The following STK32B variants were observed in gnomAD, a reference collection of about 807,000 sequenced individuals.
STK32B encodes serine/threonine-protein kinase 32B.
Under a neutral mutation model 52.6 loss-of-function variants are expected in STK32B, and 43 were observed. That is an observed-to-expected ratio of 0.82 (90% confidence interval 0.64 to 1.05). The LOEUF is 1.05. STK32B is among the 50% of genes least tolerant of loss of function. STK32B has a pLI of 0.00. For synonymous variants in STK32B, 238 were observed against 204.3 expected, an observed-to-expected ratio of 1.17 and a Z score of -1.41; for missense variants, 621 against 534.6, an observed-to-expected ratio of 1.16 and a Z score of -1.59.
chr4:5,348,204 C>A (rs1001664654), intron 4 of STK32B, among the ~76,000 whole-genome samples: 2 of 152,288 alleles, frequency 1.3e-5, no homozygotes, highest in Middle Eastern at 3.4e-3. Context: ...TTCCTACAGT[C>A]CTAGCCATGG....
At chr4:5,370,294 G>C (rs979140584) in intron 4 of STK32B, among the ~76,000 whole-genome samples, 2 of 152,188 alleles carry the variant, frequency 1.3e-5, no homozygotes, top group African/African-American at 4.8e-5. Context: ...ATCATTGGCT[G>C]ACTTGGTACC....
intron 6 of STK32B, among the ~76,000 whole-genome samples, chr4:5,428,008 C>A (rs1281129951): frequency 6.6e-6 from 1 of 151,754 alleles, no homozygotes; most frequent in Non-Finnish European, 1.5e-5. Context: ...TGAGACTTGT[C>A]TTATTTTCCT....
At chr4:5,140,307 G>T in intron 2 of STK32B, 1 of 1,310,850 alleles carries the variant, frequency 7.6e-7, no homozygotes, top group African/African-American at 1.5e-5. Context: ...TGTTGTTTTG[G>T]TAAGTTCATA....
At chr4:5,292,306 A>G (rs1222368505) in intron 3 of STK32B, among the ~76,000 whole-genome samples, 1 of 152,038 alleles carries the variant, frequency 6.6e-6, no homozygotes, top group Non-Finnish European at 1.5e-5. Context: ...GCCAAAATCT[A>G]TTATTTTTTG....
chr4:5,360,786 A>G (rs1372180760), intron 4 of STK32B, among the ~76,000 whole-genome samples: 3 of 152,210 alleles, frequency 2.0e-5, no homozygotes, highest in Non-Finnish European at 4.4e-5. Context: ...AGCCTGGGCA[A>G]CAAGAGCAAA....
intron 8 of STK32B, among the ~76,000 whole-genome samples, chr4:5,457,413 C>G (rs1716649063): frequency 1.3e-5 from 2 of 150,784 alleles, no homozygotes; most frequent in Non-Finnish European, 3.0e-5. Flanking sequence ...GACGGGGTTT[C>G]ACCATGTTAG....
the STK32B span, among the ~76,000 whole-genome samples, chr4:5,039,745 C>T: frequency 2.0e-5 from 3 of 152,208 alleles, no homozygotes; most frequent in East Asian, 1.9e-4. Context: ...ACTGCAAACA[C>T]GTGAGGAATG....
intron 2 of STK32B, among the ~76,000 whole-genome samples, chr4:5,158,302 C>T (rs919922753): frequency 6.6e-6 from 1 of 152,106 alleles, no homozygotes; most frequent in Non-Finnish European, 1.5e-5. Context: ...AGTGGCACAG[C>T]GCGGGTCCTG....
At chr4:5,159,588 AAT>A (rs1471717766) in intron 2 of STK32B, among the ~76,000 whole-genome samples, 2 of 105,860 alleles carry the variant, frequency 1.9e-5, no homozygotes, top group East Asian at 2.4e-4. Flanking sequence ...TATATATATG[AAT>A]ATATATGAAT....
chr4:5,359,103 G>A (rs577485929), intron 4 of STK32B, among the ~76,000 whole-genome samples: 32 of 152,310 alleles, frequency 2.1e-4, no homozygotes, highest in Admixed American at 2.0e-3. Context: ...TATTAAATGT[G>A]TGCTTTATCT....
Position 5,051,619 on chromosome 4 carries a change from C to A in STK32B, c.-245C>A. On this transcript the variant is annotated 5_prime_UTR_variant, in exon 1 of 12. Transcript: ENST00000282908. ...CTGGAGTAAGGAGCTGCGAGCGCAG[C>A]CCGAGGCGGGGCACGGCGGAAGGCG... 2.0e-6 allele frequency: 1 copy of A among 509,976 alleles called. No homozygotes were observed. Among genetic ancestry groups the A allele is most frequent in the African/African-American group, 2.1e-5 (1 of 48,710 alleles). The allele number at this position is 509,976 out of a possible 1,614,324, so 31.6% of individuals were successfully genotyped here.
At chr4:5,143,127 CT>C in intron 2 of STK32B, among the ~76,000 whole-genome samples, 1 of 151,720 alleles carries the variant, frequency 6.6e-6, no homozygotes, top group African/African-American at 2.4e-5. Context: ...GTCTGTCTGT[CT>C]GTCTATCTGT....
At chr4:5,443,284 C>G (rs938993756) in intron 6 of STK32B, among the ~76,000 whole-genome samples, 82 of 149,362 alleles carry the variant, frequency 5.5e-4, no homozygotes, top group African/African-American at 1.9e-3. Flanking sequence ...TCCCATATTT[C>G]TTGGAGGCTT....
At chr4:5,116,762 C>G (rs1714743572) in intron 1 of STK32B, among the ~76,000 whole-genome samples, 1 of 152,210 alleles carries the variant, frequency 6.6e-6, no homozygotes, top group Admixed American at 6.5e-5. Context: ...ACAGTATTGA[C>G]TCTTCCAATC....
intron 6 of STK32B, among the ~76,000 whole-genome samples, chr4:5,446,237 A>C (rs1032439755): frequency 2.6e-5 from 4 of 152,206 alleles, no homozygotes; most frequent in Non-Finnish European, 4.4e-5. Context: ...ACCACATGGC[A>C]TAGTGAAAAA....
the STK32B span, among the ~76,000 whole-genome samples, chr4:5,033,274 G>A: frequency 1.2e-4 from 19 of 152,230 alleles, no homozygotes; most frequent in African/African-American, 4.1e-4. Flanking sequence ...GCTGCAGCAC[G>A]GTCACCATAA....
At chr4:5,050,728 C>G (rs1741732989), upstream of STK32B, among the ~76,000 whole-genome samples, 1 of 152,190 alleles carries the variant, frequency 6.6e-6, no homozygotes, top group South Asian at 2.1e-4. Flanking sequence ...AACCCGCGCT[C>G]GCCCCACACG....
intron 3 of STK32B, among the ~76,000 whole-genome samples, chr4:5,218,423 A>G (rs1250357688): frequency 1.3e-5 from 2 of 152,208 alleles, no homozygotes; most frequent in Admixed American, 6.5e-5. Flanking sequence ...AAGTAGATAC[A>G]TTGCAATATA....
At chr4:5,409,170 C>T (rs1737863688) in intron 5 of STK32B, among the ~76,000 whole-genome samples, 1 of 152,142 alleles carries the variant, frequency 6.6e-6, no homozygotes. Context: ...GAGTGCATCT[C>T]ATCAGCAGAA....
Sources: gnomAD v4.1 joint callset for allele counts (sites outside exome capture counted in the v4.1 genomes callset) on GRCh38, gnomAD v4.1.1 for gene constraint, MANE v1.5 for transcripts, NCBI Gene and HGNC (gene_info 2026-07-23, HGNC 2026-07-21) for gene names.